CNTNAP5: variants seen among roughly 807,000 people sequenced by gnomAD.
CNTNAP5 encodes the protein contactin associated protein family member 5, also known as contactin-associated protein-like 5.
A neutral mutation model predicts 150.2 loss-of-function variants in CNTNAP5; 72 were observed. The observed-to-expected ratio is 0.48, with a 90% confidence interval of 0.40 to 0.58. The LOEUF is 0.58. CNTNAP5 is among the 20% of genes least tolerant of loss of function. The probability of loss-of-function intolerance (pLI) is 0.00; values close to 1 mark genes in which losing one functional copy is unlikely to be tolerated. For missense variants in CNTNAP5, 1,636 were observed against 1,626.2 expected, an observed-to-expected ratio of 1.01 and a Z score of -0.10; for synonymous variants, 672 against 619.8, an observed-to-expected ratio of 1.08 and a Z score of -1.25.
At chr2:124,729,175 A>G (rs763816090) in intron 13 of CNTNAP5, among the ~76,000 whole-genome samples, 1 of 151,980 alleles carries the variant, frequency 6.6e-6, no homozygotes, top group Non-Finnish European at 1.5e-5. Context: ...GGAGACACAA[A>G]CCTTATCTCC....
chr2:124,867,363 C>T (rs1363449674), intron 20 of CNTNAP5, among the ~76,000 whole-genome samples: 1 of 152,124 alleles, frequency 6.6e-6, no homozygotes, highest in Non-Finnish European at 1.5e-5. Flanking sequence ...TTCATATTTT[C>T]CCTACCTTTT....
At chr2:124,595,872 T>C (rs1433469637) in intron 11 of CNTNAP5, among the ~76,000 whole-genome samples, 21 of 132,296 alleles carry the variant, frequency 1.6e-4, no homozygotes, top group African/African-American at 5.6e-4. Context: ...CTTGGGAGAG[T>C]GTATGTGTCC....
chr2:124,505,972 T>G (rs973428964), intron 8 of CNTNAP5, among the ~76,000 whole-genome samples: 1 of 152,236 alleles, frequency 6.6e-6, no homozygotes, highest in Non-Finnish European at 1.5e-5. Flanking sequence ...CTGGACTGCA[T>G]GGTTCTTTTA....
At chr2:124,273,937 G>A (rs1687820553) in intron 3 of CNTNAP5, among the ~76,000 whole-genome samples, 1 of 152,264 alleles carries the variant, frequency 6.6e-6, no homozygotes, top group East Asian at 1.9e-4. Flanking sequence ...ACAAATTTGT[G>A]TGAGTCCACA....
At chr2:124,430,115 G>T (rs962217724) in intron 4 of CNTNAP5, among the ~76,000 whole-genome samples, 32 of 152,064 alleles carry the variant, frequency 2.1e-4, no homozygotes, top group African/African-American at 6.8e-4. Flanking sequence ...TGCTTAGAGG[G>T]AGACTAACAG....
intron 11 of CNTNAP5, among the ~76,000 whole-genome samples, chr2:124,567,854 T>TAG (rs763023719): frequency 1.7e-5 from 2 of 117,010 alleles, no homozygotes; most frequent in Admixed American, 1.0e-4. Flanking sequence ...GATAGATAGA[T>TAG]AGATAGATAG....
chr2:124,294,138 A>G (rs1200065906), intron 3 of CNTNAP5, among the ~76,000 whole-genome samples: 1 of 97,456 alleles, frequency 1.0e-5, no homozygotes, highest in African/African-American at 4.1e-5. Flanking sequence ...ATTGCATTAA[A>G]TTGCACTTTT....
At chr2:124,399,473 A>G (rs1691349242) in intron 3 of CNTNAP5, among the ~76,000 whole-genome samples, 1 of 152,110 alleles carries the variant, frequency 6.6e-6, no homozygotes, top group South Asian at 2.1e-4. Context: ...AAAATTGACT[A>G]TAGGACAGGC....
At chr2:124,445,743 G>A (rs922239012) in intron 5 of CNTNAP5, among the ~76,000 whole-genome samples, 4 of 152,214 alleles carry the variant, frequency 2.6e-5, no homozygotes, top group Admixed American at 6.5e-5. Flanking sequence ...CACTTCCCAA[G>A]AGGGAGGAGA....
intron 10 of CNTNAP5, among the ~76,000 whole-genome samples, chr2:124,539,941 C>T (rs1695339269): frequency 6.6e-6 from 1 of 152,076 alleles, no homozygotes; most frequent in Non-Finnish European, 1.5e-5. Context: ...TTACTAAGCC[C>T]ACTGCAGGGC....
intron 1 of CNTNAP5, among the ~76,000 whole-genome samples, chr2:124,063,158 G>T (rs1213943): frequency 1 from 152,027 of 152,194 alleles, 75,931 homozygotes; most frequent in Non-Finnish European, 1. Flanking sequence ...CCACCGAAAC[G>T]GAAAAACTAA....
intron 3 of CNTNAP5, among the ~76,000 whole-genome samples, chr2:124,398,983 A>G (rs1374789072): frequency 1.3e-5 from 2 of 152,240 alleles, no homozygotes; most frequent in Non-Finnish European, 2.9e-5. Flanking sequence ...CAGAGTTTAC[A>G]GTAAATATCC....
chr2:124,717,416 T>C (rs1394636479), intron 13 of CNTNAP5, among the ~76,000 whole-genome samples: 1 of 152,212 alleles, frequency 6.6e-6, no homozygotes, highest in Non-Finnish European at 1.5e-5. Flanking sequence ...CATATAACCA[T>C]AGCACCTGCC....
At chr2:124,743,859 A>G (rs1335938247) in intron 13 of CNTNAP5, among the ~76,000 whole-genome samples, 2 of 152,160 alleles carry the variant, frequency 1.3e-5, no homozygotes, top group African/African-American at 2.4e-5. Context: ...ACCTAGCCAT[A>G]GATTCTAAAA....
At chr2:124,660,078 GGA>G (rs1291278662) in intron 13 of CNTNAP5, among the ~76,000 whole-genome samples, 50 of 151,416 alleles carry the variant, frequency 3.3e-4, no homozygotes, top group African/African-American at 8.7e-4. Context: ...AAGGAAGGAA[GGA>G]AGGGAGGGAG....
At chr2:124,425,882 C>T (rs898128447) in intron 4 of CNTNAP5, among the ~76,000 whole-genome samples, 4 of 152,080 alleles carry the variant, frequency 2.6e-5, no homozygotes, top group African/African-American at 9.7e-5. Flanking sequence ...TAATACCTGC[C>T]AATGAATTTA....
chr2:124,656,498 G>A (rs1196262955), intron 13 of CNTNAP5, among the ~76,000 whole-genome samples: 1 of 152,186 alleles, frequency 6.6e-6, no homozygotes, highest in Non-Finnish European at 1.5e-5. Flanking sequence ...TAATGTCCTA[G>A]TAATTTACTC....
chr2:124,433,507 C>T (rs78658619), intron 4 of CNTNAP5, among the ~76,000 whole-genome samples: 6,323 of 151,950 alleles, frequency 0.042, 152 homozygotes, highest in Non-Finnish European at 0.051. Flanking sequence ...TAATTACATG[C>T]TGAATAATAC....
At chr2:124,800,120 C>G (rs1390240178) in intron 19 of CNTNAP5, among the ~76,000 whole-genome samples, 1 of 152,148 alleles carries the variant, frequency 6.6e-6, no homozygotes, top group Non-Finnish European at 1.5e-5. Flanking sequence ...ATCTATGGCA[C>G]AGTGGGGACC....
Sources: allele counts gnomAD v4.1 joint callset (sites outside exome capture counted in the v4.1 genomes callset), GRCh38; gene constraint gnomAD v4.1.1; transcripts MANE v1.5; gene names NCBI Gene and HGNC (gene_info 2026-07-23, HGNC 2026-07-21).